KIF16B: variants seen among roughly 807,000 people sequenced by gnomAD.
KIF16B encodes the protein kinesin family member 16B.
A neutral mutation model predicts 156.3 loss-of-function variants in KIF16B; 98 were observed. The observed-to-expected ratio is 0.63, with a 90% CI of 0.53 to 0.74. The LOEUF (loss-of-function observed/expected upper bound fraction) is 0.74, where lower values mean the gene tolerates loss of function less well. Ranked by LOEUF, KIF16B falls within the 30% of genes least tolerant of loss-of-function variation. The pLI is 0.00. For missense variants in KIF16B, 1,421 were observed against 1,606.5 expected (o/e 0.88, Z 1.97); for synonymous variants, 564 against 583.7 (o/e 0.97, Z 0.49).
In KIF16B at chr20:16,473,383, G is replaced by C. The variant is rs569585231; in HGVS notation, c.1302+20908C>G. Among the ~76,000 whole-genome samples the C allele has an allele frequency of 3.9e-5, 6 of 152,268 alleles. No individual in the cohort carries two copies. The East Asian group carries it at 1.2e-3, about 29-fold the overall frequency. ...ACAGAACCATATTAATACTAAAACA[G>C]TCCCTCAACAAACATTTCCCAAGGG... On this transcript the variant is annotated intron_variant, in intron 12 of 25. Transcript: ENST00000354981.
intron 20 of KIF16B, among the ~76,000 whole-genome samples, chr20:16,373,606 T>A (rs2064874767): frequency 6.6e-6 from 1 of 152,234 alleles, no homozygotes; most frequent in South Asian, 2.1e-4. Context: ...TTCATCTATT[T>A]GTAATCCATG....
intron 17 of KIF16B, among the ~76,000 whole-genome samples, chr20:16,383,372 C>A (rs910222082): frequency 6.6e-6 from 1 of 152,082 alleles, no homozygotes; most frequent in Non-Finnish European, 1.5e-5. Context: ...TCCAAAATAC[C>A]GTCTATTAAC....
intron 20 of KIF16B, among the ~76,000 whole-genome samples, chr20:16,373,374 C>A (rs1430535816): frequency 3.9e-5 from 6 of 152,198 alleles, no homozygotes; most frequent in Non-Finnish European, 8.8e-5. Flanking sequence ...GGGTTCAAGA[C>A]TGTCCGATTT....
At chr20:16,324,098 T>C (rs540892263) in intron 24 of KIF16B, among the ~76,000 whole-genome samples, 1 of 152,136 alleles carries the variant, frequency 6.6e-6, no homozygotes, top group African/African-American at 2.4e-5. Context: ...AGAACAAATA[T>C]GCAGATGAAG....
At chr20:16,573,200 G>C in intron 1 of KIF16B, 29 bp downstream of exon 1, 2 of 1,562,804 alleles carry the variant, frequency 1.3e-6, no homozygotes, top group Non-Finnish European at 1.7e-6. Context: ...GGCGCGACGA[G>C]GGGGCGGGGC....
At chr20:16,359,013 CAT>C (rs377063286) in intron 22 of KIF16B, among the ~76,000 whole-genome samples, 15 of 152,328 alleles carry the variant, frequency 9.8e-5, no homozygotes, top group African/African-American at 3.1e-4. Context: ...CTCAACTGCA[CAT>C]GTTTGGAACA....
At chr20:16,421,724 G>A (rs2066230832) in intron 15 of KIF16B, among the ~76,000 whole-genome samples, 1 of 152,040 alleles carries the variant, frequency 6.6e-6, no homozygotes, top group African/African-American at 2.4e-5. Context: ...ACTGCCCTAA[G>A]ACATGCTAAT....
At chr20:16,495,239 G>A (rs2068416738) in intron 11 of KIF16B, among the ~76,000 whole-genome samples, 1 of 152,108 alleles carries the variant, frequency 6.6e-6, no homozygotes, top group South Asian at 2.1e-4. Context: ...CCCAGCAGCA[G>A]ACACCCTCCC....
intron 1 of KIF16B, among the ~76,000 whole-genome samples, chr20:16,531,075 T>C (rs1460827478): frequency 1.3e-5 from 2 of 152,150 alleles, no homozygotes; most frequent in Non-Finnish European, 2.9e-5. Flanking sequence ...ACAAGGACCC[T>C]GTCAAAAGGA....
intron 25 of KIF16B, among the ~76,000 whole-genome samples, chr20:16,303,200 C>T (rs2063496751): frequency 6.6e-6 from 1 of 152,110 alleles, no homozygotes; most frequent in Non-Finnish European, 1.5e-5. Flanking sequence ...AATATTATTT[C>T]CATTTTATGC....
intron 14 of KIF16B, 136 bp from the exon 15 acceptor site, chr20:16,427,377 T>A (rs80016697): frequency 0.013 from 10,752 of 859,990 alleles, 119 homozygotes; most frequent in Middle Eastern, 0.014. Flanking sequence ...GAAGTGAACA[T>A]TTATGTTTAG....
At chr20:16,496,188 A>C (rs1005114400) in intron 11 of KIF16B, among the ~76,000 whole-genome samples, 2 of 152,202 alleles carry the variant, frequency 1.3e-5, no homozygotes, top group Non-Finnish European at 2.9e-5. Context: ...CTCCCTACAG[A>C]TGGGGAAAAG....
At position 16,429,751 on chromosome 20, in the gene KIF16B, T is replaced by C. The variant is rs902022454; in HGVS notation, c.1422+112A>G. ...GGGCTCAAGGATTTGTTGTATATTC[T>C]TTAATTTAATTTAGTTGTGTTCATG... On this transcript the variant is annotated intron_variant, in intron 13 of 25. Transcript: ENST00000354981. 7.9e-6 allele frequency: 7 copies of C among 885,700 alleles called. No individual in the cohort carries two copies. In the African/African-American group the frequency reaches 1.2e-4, roughly 15 times the overall value. 54.9% of individuals were successfully genotyped at this position (885,700 alleles called of 1,614,324 possible).
At chr20:16,325,283 T>C (rs1429058038) in intron 24 of KIF16B, among the ~76,000 whole-genome samples, 3 of 151,962 alleles carry the variant, frequency 2.0e-5, no homozygotes, top group Non-Finnish European at 2.9e-5. Context: ...CTATTCAGCA[T>C]AGTACTAGAA....
At chr20:16,537,470 C>T (rs2070015925) in intron 1 of KIF16B, among the ~76,000 whole-genome samples, 1 of 152,096 alleles carries the variant, frequency 6.6e-6, no homozygotes. Flanking sequence ...CCTCCCCAGC[C>T]TCTGGCACAT....
chr20:16,395,899 G>C (rs909080891), intron 17 of KIF16B, among the ~76,000 whole-genome samples: 1 of 152,096 alleles, frequency 6.6e-6, no homozygotes, highest in African/African-American at 2.4e-5. Context: ...GAATGATGGT[G>C]ATATATGTAT....
intron 12 of KIF16B, among the ~76,000 whole-genome samples, chr20:16,470,170 C>G (rs1370126503): frequency 6.6e-6 from 1 of 152,110 alleles, no homozygotes; most frequent in Non-Finnish European, 1.5e-5. Flanking sequence ...CAGTGATTGC[C>G]AGGAATTAGC....
rs1022858691 is a variant in KIF16B at position 16,272,152 on chromosome 20, T to C, written c.*1101A>G. 2 of 152,676 alleles carry C rather than the reference T, an allele frequency of 1.3e-5. No individual in the cohort carries two copies. Among genetic ancestry groups the C allele is most frequent in the African/African-American group, 4.8e-5 (2 of 41,470 alleles). 9.5% of individuals were successfully genotyped at this position (152,676 alleles called of 1,614,324 possible). A position where few individuals can be genotyped will look rare whatever the true frequency, so the allele number is the denominator to read the frequency against. On this transcript the variant is annotated 3_prime_UTR_variant, in exon 26 of 26. Coordinates refer to ENST00000354981, the MANE Select transcript of KIF16B (RefSeq NM_024704.5). ...ATTGATAGCAGCTCAATTTAAATTTTGAAAAAGCAAATACATTTAATAAAA... is the reference window on the plus strand; with the variant it reads ...ATTGATAGCAGCTCAATTTAAATTTCGAAAAAGCAAATACATTTAATAAAA...
At chr20:16,529,364 G>A (rs192701701) in intron 1 of KIF16B, among the ~76,000 whole-genome samples, 1 of 152,264 alleles carries the variant, frequency 6.6e-6, no homozygotes, top group East Asian at 1.9e-4. Context: ...AAGTTGAAGC[G>A]AATGAATCTA....
Sources: gnomAD v4.1 joint callset for allele counts (sites outside exome capture counted in the v4.1 genomes callset) on GRCh38, gnomAD v4.1.1 for gene constraint, MANE v1.5 for transcripts, NCBI Gene and HGNC (gene_info 2026-07-23, HGNC 2026-07-21) for gene names.